Variants in NAV2 observed in about 807,000 individuals in gnomAD.
NAV2 encodes the protein helicase, APC down-regulated 1.
Under a neutral mutation model 223.2 loss-of-function variants are expected in NAV2, and 54 were observed. The observed-to-expected ratio is 0.24, with a 90% confidence interval of 0.19 to 0.30. The LOEUF (loss-of-function observed/expected upper bound fraction) is 0.30. Among genes scored for constraint, NAV2 ranks in the 10% least tolerant of loss-of-function variants. NAV2 has a pLI of 1.00. For missense variants in NAV2, 2,806 were observed against 3,147.5 expected (o/e 0.89, Z 2.60); for synonymous variants, 1,279 against 1,239.3 (o/e 1.03, Z -0.67).
intron 1 of NAV2, among the ~76,000 whole-genome samples, chr11:19,722,810 C>T (rs991295469): frequency 2.0e-5 from 3 of 152,108 alleles, no homozygotes; most frequent in Non-Finnish European, 2.9e-5. Flanking sequence ...GGTGGCCAAG[C>T]GTAGGAGACA....
chr11:19,604,128 G>A (rs1349529650), intron 1 of NAV2, among the ~76,000 whole-genome samples: 1 of 152,196 alleles, frequency 6.6e-6, no homozygotes, highest in Non-Finnish European at 1.5e-5. Flanking sequence ...GGCTTTTACT[G>A]TGAGTGAGAT....
At chr11:20,107,305 C>G in intron 35 of NAV2, 1 of 163,180 alleles carries the variant, frequency 6.1e-6, no homozygotes, top group Non-Finnish European at 1.3e-5. Flanking sequence ...CCAGGATGGT[C>G]TCGATCTCCT....
chr11:20,080,022 C>T (rs1410813870), intron 24 of NAV2, 42 bp from the exon 25 acceptor site: 7 of 1,606,798 alleles, frequency 4.4e-6, no homozygotes, highest in Non-Finnish European at 5.9e-6. Context: ...AAGAATAGGG[C>T]TCAGGTTGGC....
chr11:19,790,013 G>A lies in NAV2; in HGVS notation c.268-42471G>A, dbSNP rs565314859. Among the ~76,000 whole-genome samples, 243 of 152,254 alleles carry A rather than the reference G, an allele frequency of 1.6e-3. 1 individual carries two copies. The highest frequency in any genetic ancestry group is 4.5e-3 in the African/African-American group (189 of 41,558). On this transcript the variant is annotated intron_variant, in intron 1 of 37. Coordinates refer to ENST00000349880, the MANE Select transcript of NAV2 (RefSeq NM_145117.5). ...CATTTTTATGACCTCAAAGCAACCC[G>A]CTAAGGCAAGTTATTTCCCTCTCTT...
At chr11:19,950,018 T>C (rs994726676) in intron 10 of NAV2, among the ~76,000 whole-genome samples, 1 of 152,178 alleles carries the variant, frequency 6.6e-6, no homozygotes, top group African/African-American at 2.4e-5. Context: ...TGGTAACTTG[T>C]TCATGCTCCC....
At chr11:19,487,661 A>G (rs1343999865) in intron 1 of NAV2, among the ~76,000 whole-genome samples, 5 of 152,208 alleles carry the variant, frequency 3.3e-5, no homozygotes, top group Non-Finnish European at 7.3e-5. Flanking sequence ...GTGAGAAACT[A>G]AGACCCTTAG....
At chr11:19,490,276 T>C (rs932997319) in intron 1 of NAV2, among the ~76,000 whole-genome samples, 1 of 152,188 alleles carries the variant, frequency 6.6e-6, no homozygotes, top group South Asian at 2.1e-4. Context: ...AACAATGAAG[T>C]TTGCCACATC....
intron 11 of NAV2, among the ~76,000 whole-genome samples, chr11:20,017,669 A>G (rs147562399): frequency 5.4e-4 from 82 of 152,272 alleles, no homozygotes; most frequent in African/African-American, 1.9e-3. Context: ...AAGGTTTTGC[A>G]TTGACTATTT....
At chr11:19,834,025 A>G (rs1275429585) in intron 2 of NAV2, among the ~76,000 whole-genome samples, 1 of 152,036 alleles carries the variant, frequency 6.6e-6, no homozygotes. Context: ...ATGGCATCTT[A>G]CCAGCTTTGC....
At chr11:19,516,107 A>G (rs1037311727) in intron 1 of NAV2, among the ~76,000 whole-genome samples, 1 of 152,234 alleles carries the variant, frequency 6.6e-6, no homozygotes, top group Non-Finnish European at 1.5e-5. Flanking sequence ...GGCTGGAGAT[A>G]TAAATTAGGA....
intron 19 of NAV2, among the ~76,000 whole-genome samples, chr11:20,058,683 T>G (rs1042822716): frequency 6.6e-6 from 1 of 152,232 alleles, no homozygotes; most frequent in African/African-American, 2.4e-5. Flanking sequence ...ATTGCTGAAG[T>G]GGTTCAAATC....
chr11:20,074,564 G>A (rs1564992531), intron 22 of NAV2, among the ~76,000 whole-genome samples: 1 of 152,092 alleles, frequency 6.6e-6, no homozygotes, highest in Non-Finnish European at 1.5e-5. Context: ...TTGTGTGGGA[G>A]TCTAAGTCTC....
chr11:19,668,172 AT>A (rs941967747), intron 1 of NAV2, among the ~76,000 whole-genome samples: 2 of 152,110 alleles, frequency 1.3e-5, no homozygotes, highest in Non-Finnish European at 2.9e-5. Context: ...AAAAGAGAAC[AT>A]TTTTTTGGTC....
intron 6 of NAV2, among the ~76,000 whole-genome samples, chr11:19,900,650 T>A (rs1480448478): frequency 6.6e-6 from 1 of 152,038 alleles, no homozygotes; most frequent in Non-Finnish European, 1.5e-5. Context: ...AATTCTAGGG[T>A]TCCCACAAGG....
chr11:19,543,730 G>A (rs2044403478), intron 1 of NAV2, among the ~76,000 whole-genome samples: 1 of 152,198 alleles, frequency 6.6e-6, no homozygotes, highest in South Asian at 2.1e-4. Context: ...CATAGCAGGT[G>A]TTCAAAAGTT....
chr11:19,822,498 A>G (rs2059433352), intron 1 of NAV2, among the ~76,000 whole-genome samples: 1 of 152,212 alleles, frequency 6.6e-6, no homozygotes, highest in African/African-American at 2.4e-5. Flanking sequence ...AGTTAGGAGT[A>G]GGGATAGTCC....
intron 26 of NAV2, among the ~76,000 whole-genome samples, chr11:20,089,935 C>T (rs1337954607): frequency 6.6e-6 from 1 of 152,172 alleles, no homozygotes; most frequent in Non-Finnish European, 1.5e-5. Context: ...GATAATTAGC[C>T]AGGCTGTTGC....
At chr11:19,792,912 T>TAAA (rs755851956) in intron 1 of NAV2, among the ~76,000 whole-genome samples, 2 of 141,544 alleles carry the variant, frequency 1.4e-5, no homozygotes, top group Non-Finnish European at 3.1e-5. Flanking sequence ...AGTGAGCCAT[T>TAAA]AAAAAAAAAA....
Position 19,945,777 on chromosome 11 carries a change from A to G in NAV2, c.2147-624A>G, listed in dbSNP as rs79690822. Among the ~76,000 whole-genome samples, 520 of 152,346 alleles carry G rather than the reference A, an allele frequency of 3.4e-3. 14 individuals carry two copies. The East Asian group carries it at 0.056, about 16-fold the overall frequency. ...TCCACAAATGTCCTTTGAGGTCAGT[A>G]CTACCACTGCGTTCCTTTTAGAAAA... On this transcript the variant is annotated intron_variant, in intron 8 of 37. Transcript: ENST00000349880.
Sources: allele counts gnomAD v4.1 joint callset (sites outside exome capture counted in the v4.1 genomes callset), GRCh38; gene constraint gnomAD v4.1.1; transcripts MANE v1.5; gene names NCBI Gene and HGNC (gene_info 2026-07-23, HGNC 2026-07-21).